Variants in ZNF560 observed in about 807,000 individuals in gnomAD.
The protein encoded by ZNF560 is zinc finger protein 560.
Under a neutral mutation model 81.8 loss-of-function variants are expected in ZNF560, and 54 were observed. That is an observed-to-expected ratio of 0.66 (90% confidence interval 0.53 to 0.83). ZNF560 has a LOEUF of 0.83. Among genes scored for constraint, ZNF560 ranks in the 40% least tolerant of loss-of-function variants. The probability of loss-of-function intolerance (pLI) is 0.00; values close to 1 mark genes in which losing one functional copy is unlikely to be tolerated. For synonymous variants in ZNF560, 321 were observed against 317.9 expected (o/e 1.01, Z -0.10); for missense variants, 940 against 932.4 (o/e 1.01, Z -0.11).
chr19:9,449,974 C>CAAAAA, the ZNF560 span, among the ~76,000 whole-genome samples: 21 of 43,344 alleles, frequency 4.8e-4, no homozygotes, highest in African/African-American at 1.1e-3. Flanking sequence ...AACTCTGTCT[C>CAAAAA]AAAAAAAAAA....
At chr19:9,480,444 G>C (rs1358047412) in intron 2 of ZNF560, among the ~76,000 whole-genome samples, 1 of 151,818 alleles carries the variant, frequency 6.6e-6, no homozygotes, top group Non-Finnish European at 1.5e-5. Context: ...TATGAAAAAA[G>C]AAAATCACAA....
chr19:9,475,156 G>T, intron 3 of ZNF560, 128 bp downstream of exon 3: 1 of 910,422 alleles, frequency 1.1e-6, no homozygotes, highest in Non-Finnish European at 1.7e-6. Context: ...AATTCAACAA[G>T]TGACTCAGTG....
upstream of ZNF560, among the ~76,000 whole-genome samples, chr19:9,500,265 A>G (rs1199951633): frequency 1.3e-5 from 2 of 151,842 alleles, no homozygotes; most frequent in Admixed American, 6.6e-5. Context: ...GGCACCTGTA[A>G]TCCCAGCTAC....
the ZNF560 span, among the ~76,000 whole-genome samples, chr19:9,452,241 G>T: frequency 9.9e-5 from 15 of 152,060 alleles, no homozygotes; most frequent in Admixed American, 5.9e-4. Context: ...AGTCATAATG[G>T]CTACTATTTA....
rs372137495 is a variant in ZNF560, at chr19:9,466,590, T to C, written c.2357A>G (p.His786Arg). 3.8e-6 allele frequency: 6 copies of C among 1,597,066 alleles called. No individual in the cohort carries two copies. Among genetic ancestry groups the C allele is most frequent in the Non-Finnish European group, 5.1e-6 (6 of 1,169,990 alleles). Residue 786 changes from histidine (H) to arginine (R), a missense_variant, in exon 10 of 10, where the codon CAT (histidine) becomes CGT (arginine). By Grantham distance (29) the His-to-Arg change is conservative (BLOSUM62 0). Transcript: ENST00000301480. ...AFASFSARIA[H>R]LKTH ...GGCTTCTCTCTAGTGTGTTTTCAAA[T>C]GTGCAATACGAGCTGAGAAAGAAGC...
intron 2 of ZNF560, among the ~76,000 whole-genome samples, chr19:9,480,935 T>G (rs1388591609): frequency 3.3e-5 from 5 of 151,304 alleles, no homozygotes; most frequent in African/African-American, 1.2e-4. Flanking sequence ...AATACAAAAA[T>G]TAGTTGGGTG....
At chr19:9,502,575 A>G (rs530201427), upstream of ZNF560, among the ~76,000 whole-genome samples, 22 of 152,324 alleles carry the variant, frequency 1.4e-4, no homozygotes, top group African/African-American at 5.1e-4. Flanking sequence ...AATGTTTAGT[A>G]CAATTCATTT....
At chr19:9,499,513 T>C (rs970779647), upstream of ZNF560, among the ~76,000 whole-genome samples, 1 of 152,208 alleles carries the variant, frequency 6.6e-6, no homozygotes, top group East Asian at 1.9e-4. Flanking sequence ...TGTATTTTTT[T>C]TTCTTCTTCA....
At chr19:9,450,285 T>C in the ZNF560 span, among the ~76,000 whole-genome samples, 1 of 112,192 alleles carries the variant, frequency 8.9e-6, no homozygotes, top group Admixed American at 8.5e-5. Context: ...GGCAAGACTT[T>C]GTCTCAAAAA....
upstream of ZNF560, among the ~76,000 whole-genome samples, chr19:9,500,235 A>G (rs1345555996): frequency 1.3e-5 from 2 of 151,844 alleles, no homozygotes; most frequent in Non-Finnish European, 2.9e-5. Flanking sequence ...GATACAAAAA[A>G]TTAGCCAGGC....
At chr19:9,496,610 G>T (rs919409756) in intron 2 of ZNF560, among the ~76,000 whole-genome samples, 5 of 141,642 alleles carry the variant, frequency 3.5e-5, no homozygotes, top group Admixed American at 7.0e-5. Context: ...GGGTGGGGGG[G>T]ACAGGGAGGA....
chr19:9,453,579 C>A, the ZNF560 span, among the ~76,000 whole-genome samples: 1 of 152,010 alleles, frequency 6.6e-6, no homozygotes, highest in Non-Finnish European at 1.5e-5. Context: ...AAATACAAAA[C>A]TACCTATAAA....
rs371032838 is a variant in ZNF560, at chr19:9,467,736, T to C, written c.1211A>G (p.Tyr404Cys). The C allele has an allele frequency of 5.0e-6, 8 of 1,613,830 alleles. No individual in the cohort carries two copies. Among genetic ancestry groups the C allele is most frequent in the Admixed American group, 1.7e-5 (1 of 59,990 alleles). The change falls in exon 10 of 10, where the codon TAT (tyrosine) becomes TGT (cysteine). Residue 404 changes from tyrosine (Y) to cysteine (C), a missense_variant. Physicochemically the swap from Tyr to Cys is radical, Grantham distance 194. Transcript: ENST00000301480. ...GGCTTTACCACATTCCTTACACCCA[T>C]AGGGCTTCTCTCCAGTGTGAGTTCG... is the stretch of plus-strand genomic sequence containing the variant. ...HVRTHTGEKPYGCKECGKAFG... is the reference protein window; with the variant it reads ...HVRTHTGEKPCGCKECGKAFG...
Position 9,467,543 on chromosome 19 carries a change from G to C in ZNF560, c.1404C>G (p.Ala468=). Residue 468 remains alanine (A), a synonymous_variant, in exon 10 of 10, where the codon GCC becomes GCG. Transcript: ENST00000301480. ...CAATAACACCTGAGGATGTACCAAA[G>C]GCCTTCCCATATTCCTTATGCTCAT... The part of the protein sequence containing the change: ...KPYEHKEYGK[A]FGTSSGVIED... 6.2e-7 allele frequency: 1 copy of C among 1,614,044 alleles called. No homozygotes were observed. Among genetic ancestry groups the C allele is most frequent in the Non-Finnish European group, 8.5e-7 (1 of 1,180,018 alleles).
the ZNF560 span, among the ~76,000 whole-genome samples, chr19:9,447,133 CAAAA>C: frequency 9.9e-5 from 8 of 80,854 alleles, no homozygotes; most frequent in East Asian, 4.3e-4. Flanking sequence ...GACTCCGTCA[CAAAA>C]AAAAAAAAAA....
At chr19:9,476,976 T>C (rs1599660896) in intron 2 of ZNF560, among the ~76,000 whole-genome samples, 2 of 152,184 alleles carry the variant, frequency 1.3e-5, no homozygotes, top group Admixed American at 1.3e-4. Context: ...TGGCAATCTA[T>C]TCCTCTTTAT....
the ZNF560 span, among the ~76,000 whole-genome samples, chr19:9,452,448 C>T: frequency 6.6e-6 from 1 of 152,144 alleles, no homozygotes; most frequent in East Asian, 1.9e-4. Flanking sequence ...GACACATACA[C>T]TCATATATTC....
chr19:9,450,379 G>T, the ZNF560 span, among the ~76,000 whole-genome samples: 1 of 151,962 alleles, frequency 6.6e-6, no homozygotes, highest in Non-Finnish European at 1.5e-5. Flanking sequence ...AACAATCAAA[G>T]AAATAAAAGG....
the ZNF560 span, among the ~76,000 whole-genome samples, chr19:9,453,012 T>C: frequency 6.6e-6 from 1 of 152,220 alleles, no homozygotes; most frequent in East Asian, 1.9e-4. Flanking sequence ...ACAATGTTCA[T>C]ATCTTCGAAT....
Sources: allele counts gnomAD v4.1 joint callset (sites outside exome capture counted in the v4.1 genomes callset), GRCh38; gene constraint gnomAD v4.1.1; transcripts MANE v1.5; gene names NCBI Gene and HGNC (gene_info 2026-07-23, HGNC 2026-07-21).